Variants in DHX29 observed in about 807,000 individuals in gnomAD.
The protein encoded by DHX29 is DExH-box helicase 29.
A neutral mutation model predicts 167.9 loss-of-function variants in DHX29; 79 were observed. The ratio of observed to expected loss-of-function variants is 0.47; its 90% confidence interval spans 0.39 to 0.57. The LOEUF (loss-of-function observed/expected upper bound fraction) is 0.57, where lower values mean the gene tolerates loss of function less well. Among genes scored for constraint, DHX29 ranks in the 20% least tolerant of loss-of-function variants. The pLI is 0.00. For synonymous variants in DHX29, 530 were observed against 546.0 expected (o/e 0.97, Z 0.41); for missense variants, 1,347 against 1,593.4 (o/e 0.85, Z 2.63).
rs140265955 is a variant in DHX29 at position 55,266,595 on chromosome 5, T to C, written c.3525+543A>G. 1.3e-3 allele frequency among the ~76,000 whole-genome samples: 198 copies of C among 150,738 alleles called. 2 individuals carry two copies. In the Middle Eastern group the frequency reaches 0.024, roughly 18 times the overall value. On this transcript the variant is annotated intron_variant, in intron 23 of 26. Coordinates refer to ENST00000251636, the MANE Select transcript of DHX29 (RefSeq NM_019030.4). ...AAACTGAGACTTCTAATTCCCAAGA[T>C]AGTGTTTATGAAATTGTGTTGCATC... is the stretch of plus-strand genomic sequence containing the variant.
At chr5:55,276,472 G>A in intron 13 of DHX29, 66 bp from the exon 14 acceptor site, 3 of 1,258,902 alleles carry the variant, frequency 2.4e-6, no homozygotes, top group South Asian at 1.4e-5. Context: ...ATTTTAAAGA[G>A]AACAGGGGAC....
rs769406936 is a variant in DHX29, at chr5:55,276,385, T to A, written c.2308A>T (p.Ile770Leu). ...TCCAGTACAAAGCCTGTTTCTTCTA[T>A]TATATCTTCAAGATGAAAAACCTGC... ...PVEVFHLEDI[I>L]EETGFVLEKD... Residue 770 changes from isoleucine (I) to leucine (L), a missense_variant, in exon 14 of 27, where the codon ATA becomes TTA. By Grantham distance (5) the Ile-to-Leu change is conservative. This residue lies in a region of DHX29 where 882 missense variants were observed against 1,082.4 expected (regional missense o/e 0.81). Coordinates refer to ENST00000251636, the MANE Select transcript of DHX29 (RefSeq NM_019030.4). 6.3e-7 allele frequency: 1 copy of A among 1,591,700 alleles called. No homozygotes were observed. Among genetic ancestry groups the A allele is most frequent in the South Asian group, 1.2e-5 (1 of 85,914 alleles).
intron 11 of DHX29, among the ~76,000 whole-genome samples, chr5:55,281,855 A>T: frequency 6.7e-6 from 1 of 148,670 alleles, no homozygotes; most frequent in East Asian, 2.0e-4. Flanking sequence ...GTGCAATCTC[A>T]GCTCACTGCA....
At chr5:55,297,773 G>C (rs1300556770) in intron 2 of DHX29, among the ~76,000 whole-genome samples, 5 of 152,158 alleles carry the variant, frequency 3.3e-5, no homozygotes, top group African/African-American at 7.2e-5. Context: ...CAACCTAAAA[G>C]AATGAACACT....
At chr5:55,264,672 A>C (rs933692831) in intron 23 of DHX29, among the ~76,000 whole-genome samples, 4 of 152,348 alleles carry the variant, frequency 2.6e-5, no homozygotes, top group African/African-American at 9.6e-5. Context: ...TTAAAAAATT[A>C]ACATCTGTAG....
intron 12 of DHX29, among the ~76,000 whole-genome samples, chr5:55,279,368 G>C (rs1371047366): frequency 6.6e-6 from 1 of 151,608 alleles, no homozygotes; most frequent in African/African-American, 2.4e-5. Context: ...TTGAGTAGTG[G>C]AACTGCTGAG....
Position 55,261,424 on chromosome 5 carries a change from T to A in DHX29, c.3904A>T (p.Ile1302Leu). 6.4e-7 allele frequency: 1 copy of A among 1,572,054 alleles called. No individual in the cohort carries two copies. The highest frequency in any genetic ancestry group is 1.7e-4 in the Middle Eastern group (1 of 5,982). ...AGACGTTCTCGGTGCTGAACTTCTA[T>A]ATCACCACCAAAAAGTAAAACTGGA... ...PFPVLLFGGDIEVQHRERLLS... is the reference protein window; with the variant it reads ...PFPVLLFGGDLEVQHRERLLS... Residue 1302 changes from isoleucine (I) to leucine (L), a missense_variant, in exon 25 of 27, where the codon ATA (isoleucine) becomes TTA (leucine). This residue lies in a region of DHX29 where 882 missense variants were observed against 1,082.4 expected (regional missense o/e 0.81). Coordinates refer to ENST00000251636, the MANE Select transcript of DHX29 (RefSeq NM_019030.4).
intron 4 of DHX29, among the ~76,000 whole-genome samples, 176 bp downstream of exon 4, chr5:55,296,044 T>C (rs1748302614): frequency 6.6e-6 from 1 of 152,186 alleles, no homozygotes; most frequent in Non-Finnish European, 1.5e-5. Context: ...TAATATTTTC[T>C]TGCATAGGCC....
At chr5:55,287,938 G>GAAAAAAAA (rs1247600043) in intron 8 of DHX29, among the ~76,000 whole-genome samples, 30 of 81,650 alleles carry the variant, frequency 3.7e-4, no homozygotes, top group Middle Eastern at 7.2e-3. Context: ...TGGAAAAAAA[G>GAAAAAAAA]AAAAAAAAAA....
chr5:55,307,625 T>C lies in DHX29; in HGVS notation c.-52A>G, dbSNP rs777371389. 2.5e-6 allele frequency: 4 copies of C among 1,601,698 alleles called. No homozygotes were observed. The highest frequency in any genetic ancestry group is 1.1e-5 in the South Asian group (1 of 90,624). On this transcript the variant is annotated 5_prime_UTR_variant, in exon 1 of 27. Transcript: ENST00000251636. ...GCGGCCCAGGCCCCGACGGTACCAC[T>C]GCACAGCCGAGAGCTCTTCACATTC...
chr5:55,283,034 G>A (rs1254641170), intron 11 of DHX29, 169 bp downstream of exon 11: 2 of 591,248 alleles, frequency 3.4e-6, no homozygotes, highest in Admixed American at 3.3e-5. Context: ...ATAGGACAGT[G>A]GCATACTATC....
In DHX29 at chr5:55,307,419, G is replaced by A. The variant is rs1236564177; in HGVS notation, c.155C>T (p.Ala52Val). The change falls in exon 1 of 27, where the codon GCT becomes GTT. Residue 52 changes from alanine to valine, a missense_variant. By Grantham distance (64) the Ala-to-Val change is moderately conservative. This residue lies in a region of DHX29 where 405 missense variants were observed against 416.8 expected (regional missense o/e 0.97). Transcript: ENST00000251636. ...GACACGGGGCTCCCTGGAGCCGGCAGCGGCAGCGGCAGCGGTGGCCGGCCT... is the reference window on the plus strand; with the variant it reads ...GACACGGGGCTCCCTGGAGCCGGCAACGGCAGCGGCAGCGGTGGCCGGCCT... ...VSRPATAAAA[A>V]AGSREPRVKQ... is the part of the protein sequence containing the mutation. 6.2e-7 allele frequency: 1 copy of A among 1,611,894 alleles called. No homozygotes were observed. The highest frequency in any genetic ancestry group is 1.7e-5 in the Admixed American group (1 of 59,982).
intron 1 of DHX29, among the ~76,000 whole-genome samples, chr5:55,301,313 AC>A (rs539977069): frequency 1.2e-4 from 19 of 152,274 alleles, no homozygotes; most frequent in Admixed American, 8.5e-4. Context: ...AATGGCAAAA[AC>A]ATCTCAGAAT....
intron 21 of DHX29, among the ~76,000 whole-genome samples, chr5:55,268,606 T>C (rs1026925353): frequency 2.6e-5 from 4 of 151,928 alleles, no homozygotes; most frequent in African/African-American, 9.7e-5. Context: ...TTAATCTTAA[T>C]TTTTTTGCAG....
intron 3 of DHX29, 66 bp from the exon 4 acceptor site, chr5:55,296,415 C>G: frequency 6.8e-7 from 1 of 1,481,028 alleles, no homozygotes; most frequent in South Asian, 1.5e-5. Flanking sequence ...ACTAATTATC[C>G]CATTCATTTT....
rs191373404 is a variant in DHX29, at chr5:55,274,125, G to A, written c.2690+489C>T. ...AAAAAAGATGAAGGCTACAGGCAGT[G>A]GCTCACGCCTGTAATCCTGGCACTT... On this transcript the variant is annotated intron_variant, in intron 16 of 26. Transcript: ENST00000251636. Among the ~76,000 whole-genome samples, 566 of 152,090 alleles carry A rather than the reference G, an allele frequency of 3.7e-3. 2 individuals are homozygous for A. Among genetic ancestry groups the A allele is most frequent in the African/African-American group, 0.013 (553 of 41,526 alleles).
At position 55,294,023 on chromosome 5, in the gene DHX29, A is replaced by T; in HGVS notation, c.774T>A (p.Phe258Leu). ...NSKSLEEEEK[F>L]DPNERYLHLA... ...AACACAAATTTCTACTCACAGGGTC[A>T]AATTTTTCCTCCTCTTCTAAACTTT... Residue 258 changes from phenylalanine (F) to leucine (L), a missense_variant, in exon 6 of 27, where the codon TTT becomes TTA. Phe to Leu is a conservative substitution (Grantham distance 22, BLOSUM62 0). This residue lies in a region of DHX29 where 405 missense variants were observed against 416.8 expected (regional missense o/e 0.97). Coordinates refer to ENST00000251636, the MANE Select transcript of DHX29 (RefSeq NM_019030.4). 1 of 1,605,764 alleles carries T rather than the reference A, an allele frequency of 6.2e-7. No homozygotes were observed. Among genetic ancestry groups the T allele is most frequent in the Non-Finnish European group, 8.5e-7 (1 of 1,177,680 alleles).
chr5:55,270,609 C>T lies in DHX29; in HGVS notation c.2962G>A (p.Gly988Ser). ...CTTGTGTACATTCGGAAACAGAAGC[C>T]ATCTCTGACCCGCCCAGCTCTTCCC... ...RQGRAGRVRD[G>S]FCFRMYTRER... Residue 988 changes from glycine (G) to serine (S), a missense_variant, in exon 19 of 27, where the codon GGC becomes AGC. This residue lies in a region of DHX29 where 882 missense variants were observed against 1,082.4 expected (regional missense o/e 0.81). Transcript: ENST00000251636. The T allele has an allele frequency of 6.2e-7, 1 of 1,614,182 alleles. No individual in the cohort carries two copies. Among genetic ancestry groups the T allele is most frequent in the Non-Finnish European group, 8.5e-7 (1 of 1,180,028 alleles).
intron 26 of DHX29, among the ~76,000 whole-genome samples, chr5:55,257,045 G>A (rs139050490): frequency 2.6e-4 from 40 of 152,198 alleles, no homozygotes; most frequent in Admixed American, 5.2e-4. Flanking sequence ...ACAGGGAAGC[G>A]CTCTTGGAGA....
Sources: gnomAD v4.1 joint callset for allele counts (sites outside exome capture counted in the v4.1 genomes callset) on GRCh38, gnomAD v4.1.1 for gene constraint, gnomAD v4.1.1 regional missense constraint, MANE v1.5 for transcripts, NCBI Gene and HGNC (gene_info 2026-07-23, HGNC 2026-07-21) for gene names.